GRIP2: variants seen among roughly 807,000 people sequenced by gnomAD.
GRIP2 encodes the protein glutamate receptor interacting protein 2.
A neutral mutation model predicts 108.3 loss-of-function variants in GRIP2; 58 were observed. That is an observed-to-expected ratio of 0.54 (90% CI 0.43 to 0.67). The LOEUF (loss-of-function observed/expected upper bound fraction) is 0.67, where lower values mean the gene tolerates loss of function less well. Among genes scored for constraint, GRIP2 ranks in the 30% least tolerant of loss-of-function variants. The probability of loss-of-function intolerance (pLI) is 0.00; values close to 1 mark genes in which losing one functional copy is unlikely to be tolerated. For synonymous variants in GRIP2, 586 were observed against 598.2 expected (o/e 0.98, Z 0.30); for missense variants, 1,278 against 1,430.6 (o/e 0.89, Z 1.72).
Position 14,496,383 on chromosome 3 carries a change from G to A in GRIP2, c.2823+34C>T. On this transcript the variant is annotated intron_variant, in intron 22 of 23. Transcript: ENST00000621039. ...CAGTGCTCATGGCACCAGAACACAG[G>A]TCCAGGTCTCCTGTGCTCACCCCCT... The A allele has an allele frequency of 1.9e-6, 3 of 1,567,884 alleles. No homozygotes were observed. The South Asian group carries it at 3.5e-5, about 18-fold the overall frequency.
At chr3:14,573,421 T>A in the GRIP2 span, 2 of 1,372,390 alleles carry the variant, frequency 1.5e-6, no homozygotes, top group Admixed American at 3.4e-5. Flanking sequence ...TAGTGCAGGA[T>A]CCTGGTGTGC....
At chr3:14,518,587 C>T (rs1694319204) in intron 9 of GRIP2, among the ~76,000 whole-genome samples, 1 of 152,196 alleles carries the variant, frequency 6.6e-6, no homozygotes. Context: ...ATCTGATCCT[C>T]CAAACTGGCC....
At position 14,520,195 on chromosome 3, in the gene GRIP2, C is replaced by G. The variant is rs1247198108; in HGVS notation, c.945G>C (p.Lys315Asn). ...CCTTCTCTGAAATGCTGGCCAGGAG[C>G]TTGGTGGCCTCAAGCAGCGAGCAGT... ...MEHCSLLEAT[K>N]LLASISEKVR... is the part of the protein sequence containing the mutation. Residue 315 changes from lysine (K) to asparagine (N), a missense_variant, in exon 9 of 24, where the codon AAG becomes AAC. Coordinates refer to ENST00000621039, the MANE Select transcript of GRIP2 (RefSeq NM_001080423.4). 1.2e-6 allele frequency: 2 copies of G among 1,613,426 alleles called. No individual in the cohort carries two copies. Among genetic ancestry groups the G allele is most frequent in the East Asian group, 2.2e-5 (1 of 44,876 alleles).
chr3:14,514,010 C>T (rs1042171060), intron 12 of GRIP2, among the ~76,000 whole-genome samples, 200 bp from the exon 13 acceptor site: 5 of 152,234 alleles, frequency 3.3e-5, no homozygotes, highest in Non-Finnish European at 5.9e-5. Flanking sequence ...CCCTGTCTGT[C>T]CAATGGGGAT....
upstream of GRIP2, among the ~76,000 whole-genome samples, chr3:14,544,720 C>T (rs953414012): frequency 6.6e-6 from 1 of 152,314 alleles, no homozygotes. Flanking sequence ...GACAATTGCT[C>T]CCTCCCTGCC....
chr3:14,587,654 AAC>A, the GRIP2 span, among the ~76,000 whole-genome samples: 7 of 140,486 alleles, frequency 5.0e-5, no homozygotes, highest in Admixed American at 1.4e-4. Flanking sequence ...AAAAAAAAAA[AAC>A]AAAACAAAAA....
At chr3:14,585,073 G>A in the GRIP2 span, among the ~76,000 whole-genome samples, 2 of 152,220 alleles carry the variant, frequency 1.3e-5, no homozygotes, top group African/African-American at 2.4e-5. Context: ...TGCTGAGGCT[G>A]GAGTGCAGTG....
the GRIP2 span, among the ~76,000 whole-genome samples, chr3:14,562,813 G>T: frequency 6.6e-6 from 1 of 152,214 alleles, no homozygotes; most frequent in Non-Finnish European, 1.5e-5. Flanking sequence ...ACGTGCGCCA[G>T]ATGGGATGTG....
chr3:14,586,453 A>T, the GRIP2 span, among the ~76,000 whole-genome samples: 1 of 152,248 alleles, frequency 6.6e-6, no homozygotes, highest in African/African-American at 2.4e-5. Flanking sequence ...GCCAGGAGGC[A>T]GGCAGGAGAG....
At chr3:14,584,874 C>T in the GRIP2 span, among the ~76,000 whole-genome samples, 2 of 152,238 alleles carry the variant, frequency 1.3e-5, no homozygotes, top group African/African-American at 4.8e-5. Flanking sequence ...TGCCTCCCTA[C>T]AGGGTCTTTT....
intron 1 of GRIP2, among the ~76,000 whole-genome samples, chr3:14,552,287 A>T (rs1258976669): frequency 6.6e-6 from 1 of 152,098 alleles, no homozygotes; most frequent in Non-Finnish European, 1.5e-5. Flanking sequence ...GCCATTAAGG[A>T]GCGGAAGGAG....
the GRIP2 span, among the ~76,000 whole-genome samples, chr3:14,595,550 C>T: frequency 6.6e-6 from 1 of 152,182 alleles, no homozygotes; most frequent in African/African-American, 2.4e-5. Flanking sequence ...AACTGAGGCC[C>T]CGAAAGGTCA....
chr3:14,526,149 C>T (rs1269388108), intron 1 of GRIP2, among the ~76,000 whole-genome samples: 1 of 152,206 alleles, frequency 6.6e-6, no homozygotes, highest in African/African-American at 2.4e-5. Context: ...ATTCTTTGAG[C>T]ACTACACTAC....
the GRIP2 span, among the ~76,000 whole-genome samples, chr3:14,568,440 A>G: frequency 6.6e-6 from 1 of 152,186 alleles, no homozygotes; most frequent in Non-Finnish European, 1.5e-5. Context: ...GAGGAACCTG[A>G]GGCTCAGAGA....
At chr3:14,545,837 AC>A (rs1361363822), upstream of GRIP2, among the ~76,000 whole-genome samples, 1 of 152,200 alleles carries the variant, frequency 6.6e-6, no homozygotes, top group Non-Finnish European at 1.5e-5. Context: ...TTTACTAAGC[AC>A]CTACTACCTT....
At chr3:14,533,862 A>AT (rs1335312651) in intron 1 of GRIP2, among the ~76,000 whole-genome samples, 1 of 152,210 alleles carries the variant, frequency 6.6e-6, no homozygotes, top group African/African-American at 2.4e-5. Context: ...CCTGTGAGCC[A>AT]TCTCTTTTCC....
At chr3:14,525,711 C>T (rs1694535898) in intron 2 of GRIP2, 139 bp from the exon 3 acceptor site, 1 of 1,312,162 alleles carries the variant, frequency 7.6e-7, no homozygotes. Flanking sequence ...CTCCTTTTTA[C>T]AGAGGAGAAT....
chr3:14,495,047 A>C, intron 22 of GRIP2, 58 bp from the exon 23 acceptor site: 12 of 1,590,162 alleles, frequency 7.5e-6, no homozygotes, highest in East Asian at 2.2e-5. Context: ...CCAGCCTCTC[A>C]CAGTAGCCCA....
intron 12 of GRIP2, 49 bp downstream of exon 12, chr3:14,514,243 T>C (rs756326815): frequency 1.4e-6 from 2 of 1,429,482 alleles, no homozygotes; most frequent in Admixed American, 2.5e-5. Context: ...TGTGACTCAG[T>C]TTCTCTCAGA....
Sources: gnomAD v4.1 joint callset for allele counts (sites outside exome capture counted in the v4.1 genomes callset) on GRCh38, gnomAD v4.1.1 for gene constraint, MANE v1.5 for transcripts, NCBI Gene and HGNC (gene_info 2026-07-23, HGNC 2026-07-21) for gene names.